Variants in FBXL7 observed in about 807,000 individuals in gnomAD.
The protein encoded by FBXL7 is F-box and leucine rich repeat protein 7.
In FBXL7, 12 loss-of-function variants were observed where a neutral mutation model predicts 38.3. The observed-to-expected ratio is 0.31, with a 90% CI of 0.20 to 0.51. The LOEUF (loss-of-function observed/expected upper bound fraction) is 0.51, where lower values mean the gene tolerates loss of function less well. Ranked by LOEUF, FBXL7 falls within the 20% of genes least tolerant of loss-of-function variation. The pLI, the probability that FBXL7 is intolerant of heterozygous loss-of-function variation, is 0.98. For synonymous variants in FBXL7, 297 were observed against 300.9 expected (o/e 0.99, Z 0.13); for missense variants, 567 against 676.4 (o/e 0.84, Z 1.79).
intron 2 of FBXL7, among the ~76,000 whole-genome samples, chr5:15,868,492 T>C (rs898246994): frequency 6.6e-6 from 1 of 152,228 alleles, no homozygotes; most frequent in African/African-American, 2.4e-5. Context: ...AGAACTGTGT[T>C]TAGTACCCAG....
chr5:15,702,223 C>A, intron 2 of FBXL7, among the ~76,000 whole-genome samples: 1 of 130,344 alleles, frequency 7.7e-6, no homozygotes, highest in East Asian at 2.3e-4. Flanking sequence ...GGAAACAAAG[C>A]GAGACTCCTC....
chr5:15,878,673 A>G (rs1262501015), intron 2 of FBXL7, among the ~76,000 whole-genome samples: 2 of 152,214 alleles, frequency 1.3e-5, no homozygotes, highest in East Asian at 1.9e-4. Context: ...TTTCATCCAT[A>G]CTAAAGCACA....
chr5:15,824,412 G>T (rs1353110508), intron 2 of FBXL7, among the ~76,000 whole-genome samples: 1 of 151,784 alleles, frequency 6.6e-6, no homozygotes, highest in Non-Finnish European at 1.5e-5. Flanking sequence ...TGTACTCCTC[G>T]GCACTTCCCG....
intron 2 of FBXL7, among the ~76,000 whole-genome samples, chr5:15,902,187 C>G (rs1374034390): frequency 6.6e-6 from 1 of 152,132 alleles, no homozygotes; most frequent in East Asian, 1.9e-4. Flanking sequence ...TGAGTTTTCC[C>G]CCTTCCCCCA....
intron 2 of FBXL7, among the ~76,000 whole-genome samples, chr5:15,927,295 A>G (rs1297809887): frequency 6.6e-6 from 1 of 152,112 alleles, no homozygotes; most frequent in Non-Finnish European, 1.5e-5. Context: ...CTCAGTATTT[A>G]ATATCTGACC....
At chr5:15,662,678 A>G (rs1212807178) in intron 2 of FBXL7, among the ~76,000 whole-genome samples, 1 of 152,140 alleles carries the variant, frequency 6.6e-6, no homozygotes, top group Non-Finnish European at 1.5e-5. Flanking sequence ...ATTTTTGTAT[A>G]TGGTGTCCAG....
chr5:15,766,010 C>T (rs1453209864), intron 2 of FBXL7, among the ~76,000 whole-genome samples: 3 of 149,728 alleles, frequency 2.0e-5, no homozygotes, highest in African/African-American at 7.4e-5. Context: ...CCAGCTTCAT[C>T]TATATCTGTC....
intron 2 of FBXL7, among the ~76,000 whole-genome samples, chr5:15,723,390 G>C (rs1744256363): frequency 6.6e-6 from 1 of 152,110 alleles, no homozygotes; most frequent in Non-Finnish European, 1.5e-5. Flanking sequence ...ACACTTTTAA[G>C]TTTAATCTAC....
intron 2 of FBXL7, among the ~76,000 whole-genome samples, chr5:15,781,176 A>G (rs1736981100): frequency 6.6e-6 from 1 of 152,192 alleles, no homozygotes; most frequent in Non-Finnish European, 1.5e-5. Context: ...CTTAGAGTTT[A>G]CTTGTCATGC....
At chr5:15,888,331 G>C (rs1740765912) in intron 2 of FBXL7, among the ~76,000 whole-genome samples, 1 of 151,870 alleles carries the variant, frequency 6.6e-6, no homozygotes, top group South Asian at 2.1e-4. Context: ...GGGTTCAAAC[G>C]ATTCTCCCGC....
chr5:15,691,177 A>T lies in FBXL7; in HGVS notation c.127+75105A>T, dbSNP rs368145343. Among the ~76,000 whole-genome samples, 16 of 152,256 alleles carry T rather than the reference A, an allele frequency of 1.1e-4. No individual in the cohort carries two copies. The East Asian group carries it at 2.9e-3, about 28-fold the overall frequency. ...CTTCTGTTCTTGTCAGTATTGAGGC[A>T]CTGGAGTGCACATCCCGCTTGATGG... On this transcript the variant is annotated intron_variant, in intron 2 of 3. Coordinates refer to ENST00000504595, the MANE Select transcript of FBXL7 (RefSeq NM_012304.5).
intron 2 of FBXL7, among the ~76,000 whole-genome samples, chr5:15,623,869 A>G (rs1379915818): frequency 2.7e-5 from 4 of 150,218 alleles, no homozygotes; most frequent in African/African-American, 5.1e-5. Context: ...CAGATGAAAC[A>G]GGGAAACTCA....
At chr5:15,655,124 A>G (rs1741832230) in intron 2 of FBXL7, among the ~76,000 whole-genome samples, 2 of 152,208 alleles carry the variant, frequency 1.3e-5, no homozygotes, top group Admixed American at 6.5e-5. Flanking sequence ...ACATTTGAAC[A>G]TCCTTGTGTC....
At position 15,594,986 on chromosome 5, in the gene FBXL7, AC is replaced by A. The variant is rs566966122; in HGVS notation, c.38-20994del. 3.3e-3 allele frequency among the ~76,000 whole-genome samples: 508 copies of A among 152,234 alleles called. 1 individual carries two copies. Among genetic ancestry groups the A allele is most frequent in the African/African-American group, 0.012 (492 of 41,546 alleles). ...TATACCTGTATGTGACAAGAGGTTC[AC>A]CCTGACCTTTTTGCTTTTGTTTCCC... On this transcript the variant is annotated intron_variant, in intron 1 of 3. Coordinates refer to ENST00000504595, the MANE Select transcript of FBXL7 (RefSeq NM_012304.5).
intron 2 of FBXL7, among the ~76,000 whole-genome samples, chr5:15,743,169 C>T (rs1735934785): frequency 6.6e-6 from 1 of 152,178 alleles, no homozygotes; most frequent in African/African-American, 2.4e-5. Flanking sequence ...GCCTTCCCAA[C>T]AGTCCCCCAA....
intron 1 of FBXL7, among the ~76,000 whole-genome samples, chr5:15,516,705 G>T (rs1736947070): frequency 6.6e-6 from 1 of 152,118 alleles, no homozygotes; most frequent in Admixed American, 6.5e-5. Context: ...GGAGGTAATT[G>T]AATCGTGTGG....
intron 2 of FBXL7, among the ~76,000 whole-genome samples, chr5:15,774,000 T>G (rs1020771000): frequency 1.3e-5 from 2 of 152,136 alleles, no homozygotes; most frequent in Non-Finnish European, 2.9e-5. Context: ...ACATTTTTTA[T>G]TACTGCTGTA....
chr5:15,754,172 T>A (rs570467426), intron 2 of FBXL7, among the ~76,000 whole-genome samples: 5 of 152,306 alleles, frequency 3.3e-5, no homozygotes, highest in African/African-American at 1.2e-4. Flanking sequence ...ATCACTGGAT[T>A]GGATGATTTC....
At chr5:15,789,938 G>A (rs890082594) in intron 2 of FBXL7, among the ~76,000 whole-genome samples, 1 of 152,102 alleles carries the variant, frequency 6.6e-6, no homozygotes, top group African/African-American at 2.4e-5. Context: ...AATTAGTGAG[G>A]GGCAGATTCT....
Sources: allele counts gnomAD v4.1 joint callset (sites outside exome capture counted in the v4.1 genomes callset), GRCh38; gene constraint gnomAD v4.1.1; transcripts MANE v1.5; gene names NCBI Gene and HGNC (gene_info 2026-07-23, HGNC 2026-07-21).